The following CC2D1A variants were observed in gnomAD, a reference collection of about 807,000 sequenced individuals.
CC2D1A encodes the protein coiled-coil and C2 domain containing 1A, also known as coiled-coil and C2 domain-containing protein 1A.
A neutral mutation model predicts 123.8 loss-of-function variants in CC2D1A; 68 were observed. The ratio of observed to expected loss-of-function variants is 0.55; its 90% confidence interval spans 0.45 to 0.67. CC2D1A has a LOEUF of 0.67. Among genes scored for constraint, CC2D1A ranks in the 30% least tolerant of loss-of-function variants. The pLI is 0.00. For synonymous variants in CC2D1A, 477 were observed against 528.0 expected, an observed-to-expected ratio of 0.90 and a Z score of 1.32; for missense variants, 1,185 against 1,290.3, an observed-to-expected ratio of 0.92 and a Z score of 1.25.
intron 24 of CC2D1A, among the ~76,000 whole-genome samples, chr19:13,928,704 C>CTTTT (rs60455051): frequency 4.6e-5 from 5 of 109,232 alleles, no homozygotes; most frequent in South Asian, 3.1e-4. Flanking sequence ...CCCAGTGTGT[C>CTTTT]TTTTTTTTTT....
At chr19:13,913,091 A>T in intron 4 of CC2D1A, 77 bp from the exon 5 acceptor site, 1 of 1,428,822 alleles carries the variant, frequency 7.0e-7, no homozygotes, top group Non-Finnish European at 9.3e-7. Context: ...CATGGGGCCG[A>T]CTGTTACTGC....
intron 17 of CC2D1A, among the ~76,000 whole-genome samples, chr19:13,924,026 T>A (rs1971506134): frequency 6.6e-6 from 1 of 151,930 alleles, no homozygotes; most frequent in South Asian, 2.1e-4. Flanking sequence ...TTGGGAAAGA[T>A]CTAGAGAGTG....
chr19:13,928,320 TTCC>T, intron 24 of CC2D1A, 132 bp downstream of exon 24: 1 of 739,102 alleles, frequency 1.4e-6, no homozygotes. Context: ...GGCACCCCTT[TTCC>T]CAGAGGATCC....
chr19:13,929,306 A>AGG (rs1971772679), intron 24 of CC2D1A, 73 bp from the exon 25 acceptor site: 2 of 1,501,428 alleles, frequency 1.3e-6, no homozygotes, highest in African/African-American at 2.8e-5. Context: ...TGCCCAGCCC[A>AGG]GTGTGTCTTT....
At chr19:13,908,688 A>G (rs569289717) in intron 1 of CC2D1A, among the ~76,000 whole-genome samples, 1 of 150,708 alleles carries the variant, frequency 6.6e-6, no homozygotes, top group South Asian at 2.1e-4. Context: ...CTGGTCTCGA[A>G]CTCCTGGATT....
chr19:13,921,768 G>C (rs139384678), intron 14 of CC2D1A, among the ~76,000 whole-genome samples: 37 of 152,262 alleles, frequency 2.4e-4, no homozygotes, highest in African/African-American at 7.2e-4. Context: ...CTCTGGACAT[G>C]GTGGGTCACA....
chr19:13,919,872 TG>T lies in CC2D1A; in HGVS notation c.1280del (p.Gly427ValfsTer7). Reference protein sequence around the residue: ...EATKPTQQSLVGVLETAMKLA... With the variant: ...EATKPTQQSLXGVLETAMKLA... ...ACCAAGCCCACCCAGCAGAGTCTGG[TG>T]GGTGTCCTGGAGACTGCCATGAAGC... is the stretch of plus-strand genomic sequence containing the variant. On this transcript the variant is annotated frameshift_variant, in exon 12 of 29. Coordinates refer to ENST00000318003, the MANE Select transcript of CC2D1A (RefSeq NM_017721.5). LOFTEE classifies it high-confidence loss of function. 6 of 1,612,720 alleles carry T rather than the reference TG, an allele frequency of 3.7e-6. No individual in the cohort carries two copies. Among genetic ancestry groups the T allele is most frequent in the Non-Finnish European group, 5.1e-6 (6 of 1,179,606 alleles).
intron 17 of CC2D1A, among the ~76,000 whole-genome samples, chr19:13,926,014 A>C (rs1971607971): frequency 7.9e-6 from 1 of 126,610 alleles, no homozygotes. Flanking sequence ...ATATATATAT[A>C]CGTATATATA....
chr19:13,917,594 ATT>A (rs1247495711), intron 6 of CC2D1A, among the ~76,000 whole-genome samples: 1 of 152,150 alleles, frequency 6.6e-6, no homozygotes, highest in African/African-American at 2.4e-5. Flanking sequence ...GAATACAAAA[ATT>A]AGCCAGAAAT....
chr19:13,920,120 A>T (rs1971358304), intron 12 of CC2D1A, 169 bp downstream of exon 12: 1 of 603,946 alleles, frequency 1.7e-6, no homozygotes, highest in African/African-American at 1.9e-5. Flanking sequence ...GCATGGTGGG[A>T]CTCACCTGTA....
intron 17 of CC2D1A, among the ~76,000 whole-genome samples, chr19:13,925,128 C>G (rs1166233275): frequency 6.6e-6 from 1 of 152,184 alleles, no homozygotes; most frequent in Admixed American, 6.6e-5. Flanking sequence ...TCTGAGCACA[C>G]TCCACTCTCC....
chr19:13,928,193 G>A lies in CC2D1A; in HGVS notation c.2519+5G>A, dbSNP rs759169399. 1 of 1,612,850 alleles carries A rather than the reference G, an allele frequency of 6.2e-7. No homozygotes were observed. Among genetic ancestry groups the A allele is most frequent in the South Asian group, 1.1e-5 (1 of 91,006 alleles). ...TGCAAGGGAGTCAGGGAACAGGTAG[G>A]TATCTGGGCCAGGGCATGCTGGAGA... On this transcript the variant is annotated splice_donor_5th_base_variant and intron_variant, in intron 24 of 28. Coordinates refer to ENST00000318003, the MANE Select transcript of CC2D1A (RefSeq NM_017721.5).
At position 13,920,868 on chromosome 19, in the gene CC2D1A, A is replaced by T; in HGVS notation, c.1587A>T (p.Gly529=). 2 of 1,614,138 alleles carry T rather than the reference A, an allele frequency of 1.2e-6. No individual in the cohort carries two copies. Among genetic ancestry groups the T allele is most frequent in the Non-Finnish European group, 1.7e-6 (2 of 1,180,026 alleles). The change falls in exon 14 of 29, where the codon GGA becomes GGT. Residue 529 remains glycine, a synonymous_variant. Transcript: ENST00000318003. ...AGATGCACCTGCGCCAAGCCAAGGG[A>T]CTGGAGCCTATGCTGGAGGCCTCGC... is the stretch of plus-strand genomic sequence containing the variant. ...GAKMHLRQAK[G]LEPMLEASRN...
chr19:13,917,581 TAAG>T (rs1971249858), intron 6 of CC2D1A, among the ~76,000 whole-genome samples: 1 of 151,998 alleles, frequency 6.6e-6, no homozygotes, highest in South Asian at 2.1e-4. Context: ...CCGTCTCTAC[TAAG>T]AATACAAAAA....
chr19:13,918,736 C>T lies in CC2D1A; in HGVS notation c.947-10C>T. 2 of 1,608,982 alleles carry T rather than the reference C, an allele frequency of 1.2e-6. No individual in the cohort carries two copies. The highest frequency in any genetic ancestry group is 1.7e-6 in the Non-Finnish European group (2 of 1,177,434). On this transcript the variant is annotated splice_polypyrimidine_tract_variant and intron_variant, in intron 8 of 28. Transcript: ENST00000318003. ...AAGCCCCTCATTGGCCTGGACCTCT[C>T]TGTCCCCAGACCAGCTGCCCCCAGA...
intron 22 of CC2D1A, 95 bp downstream of exon 22, chr19:13,927,360 G>A: frequency 9.4e-7 from 1 of 1,061,066 alleles, no homozygotes; most frequent in Non-Finnish European, 1.4e-6. Context: ...CTATGAGCCT[G>A]TCTGTTGACC....
chr19:13,923,651 C>A lies in CC2D1A; in HGVS notation c.1824-44C>A, dbSNP rs1335420528. The A allele has an allele frequency of 1.2e-6, 2 of 1,613,076 alleles. No homozygotes were observed. The highest frequency in any genetic ancestry group is 2.2e-5 in the South Asian group (2 of 91,062). ...CCAGACACTTGCACCCCCAGCCACC[C>A]ATCCCCAGGGCCAGGGACATGAGCA... is the stretch of plus-strand genomic sequence containing the variant. On this transcript the variant is annotated intron_variant, in intron 16 of 28. Coordinates refer to ENST00000318003, the MANE Select transcript of CC2D1A (RefSeq NM_017721.5). This position sits in a 1 kb window ranked among gnomAD's most constrained non-coding sequence, Gnocchi z 5.3.
rs1368187641 is a variant in CC2D1A at position 13,928,008 on chromosome 19, C to T, written c.2432C>T (p.Pro811Leu). The change falls in exon 23 of 29, where the codon CCT becomes CTT. Residue 811 changes from proline (P) to leucine (L), a missense_variant. Physicochemically the swap from Pro to Leu is moderately conservative, Grantham distance 98. Transcript: ENST00000318003. Reference sequence around the variant, plus strand: ...ACAGAGAGGTGGCTGGTCATTGACCCTGTGCCGGCAGCTGTGCCCACAGTG... The same window carrying T: ...ACAGAGAGGTGGCTGGTCATTGACCTTGTGCCGGCAGCTGTGCCCACAGTG... ...TTTERWLVID[P>L]VPAAVPTQVA... The T allele has an allele frequency of 1.2e-6, 2 of 1,613,718 alleles. No individual in the cohort carries two copies. The highest frequency in any genetic ancestry group is 4.5e-5 in the East Asian group (2 of 44,866).
chr19:13,926,915 CA>C, intron 20 of CC2D1A, 43 bp downstream of exon 20: 1 of 1,607,580 alleles, frequency 6.2e-7, no homozygotes, highest in Non-Finnish European at 8.5e-7. Flanking sequence ...TCCCTTGCAG[CA>C]GAAGGGACAT....
Sources: allele counts gnomAD v4.1 joint callset (sites outside exome capture counted in the v4.1 genomes callset), GRCh38; gene constraint gnomAD v4.1.1; non-coding constraint Gnocchi (gnomAD v3.1); transcripts MANE v1.5; gene names NCBI Gene and HGNC (gene_info 2026-07-23, HGNC 2026-07-21).